The following DSC3 variants were observed in gnomAD, a reference collection of about 807,000 sequenced individuals.
DSC3 encodes the protein desmocollin 3, also known as desmocollin-3.
Under a neutral mutation model 89.5 loss-of-function variants are expected in DSC3, and 97 were observed. That is an observed-to-expected ratio of 1.08 (90% CI 0.92 to 1.28). DSC3 has a LOEUF of 1.28. Among genes scored for constraint, DSC3 ranks in the 50% most tolerant of loss-of-function variants. The pLI, the probability that DSC3 is intolerant of heterozygous loss-of-function variation, is 0.00. For synonymous variants in DSC3, 436 were observed against 384.1 expected (o/e 1.14, Z -1.58); for missense variants, 1,199 against 1,085.3 (o/e 1.10, Z -1.47).
chr18:31,035,074 A>G (rs939022845), intron 1 of DSC3, among the ~76,000 whole-genome samples: 1 of 152,180 alleles, frequency 6.6e-6, no homozygotes, highest in Non-Finnish European at 1.5e-5. Flanking sequence ...TCACAGAAGT[A>G]ATTTCAGCAC....
At chr18:30,997,994 A>G (rs1984533439) in intron 14 of DSC3, among the ~76,000 whole-genome samples, 1 of 152,222 alleles carries the variant, frequency 6.6e-6, no homozygotes, top group Admixed American at 6.5e-5. Flanking sequence ...AGGCCATAAG[A>G]TATAAAGATC....
chr18:31,039,530 A>G (rs950865225), intron 1 of DSC3, among the ~76,000 whole-genome samples: 1 of 152,178 alleles, frequency 6.6e-6, no homozygotes, highest in Non-Finnish European at 1.5e-5. Flanking sequence ...TACCTTTCAA[A>G]TTCTTACCAC....
At chr18:31,029,650 T>C in intron 3 of DSC3, 22 bp from the exon 4 acceptor site, 2 of 1,613,256 alleles carry the variant, frequency 1.2e-6, no homozygotes, top group Non-Finnish European at 1.7e-6. Context: ...GAAAAACAAA[T>C]ACATGAATAA....
chr18:31,014,155 A>C (rs1197943098), intron 9 of DSC3, among the ~76,000 whole-genome samples: 2 of 152,064 alleles, frequency 1.3e-5, no homozygotes, highest in Non-Finnish European at 2.9e-5. Flanking sequence ...TAAGGAATAC[A>C]GAATATCCAT....
At chr18:31,018,975 G>A (rs1368357847) in intron 7 of DSC3, among the ~76,000 whole-genome samples, 175 bp from the exon 8 acceptor site, 1 of 152,218 alleles carries the variant, frequency 6.6e-6, no homozygotes, top group African/African-American at 2.4e-5. Flanking sequence ...GGATAAAGCT[G>A]AAGAGGCAGG....
intron 1 of DSC3, among the ~76,000 whole-genome samples, chr18:31,039,967 A>T (rs1986082398): frequency 6.6e-6 from 1 of 152,184 alleles, no homozygotes; most frequent in African/African-American, 2.4e-5. Context: ...GCCTTTAGAA[A>T]TTACTATACT....
At chr18:31,035,703 T>C (rs763656860) in intron 1 of DSC3, among the ~76,000 whole-genome samples, 6 of 152,094 alleles carry the variant, frequency 3.9e-5, no homozygotes, top group Non-Finnish European at 8.8e-5. Context: ...TCAGTGCCCA[T>C]CTAGATCTTT....
chr18:31,000,998 CATATATATATACTTTGTGTGT>C (rs1173030105), intron 14 of DSC3, among the ~76,000 whole-genome samples: 19 of 144,890 alleles, frequency 1.3e-4, no homozygotes, highest in African/African-American at 4.3e-4. Flanking sequence ...ATTTTGTGTA[CATATATATATACTTTGTGTGT>C]ATATATATAT....
At chr18:31,004,712 C>A (rs1984780425) in intron 12 of DSC3, among the ~76,000 whole-genome samples, 1 of 137,208 alleles carries the variant, frequency 7.3e-6, no homozygotes, top group Non-Finnish European at 1.5e-5. Context: ...CAGGTACACA[C>A]AAATAGTTTC....
intron 6 of DSC3, 140 bp from the exon 7 acceptor site, chr18:31,022,642 CT>C (rs1287053349): frequency 1.9e-6 from 2 of 1,064,396 alleles, no homozygotes; most frequent in African/African-American, 1.6e-5. Context: ...ATTATTTCAT[CT>C]TTAGATAGGA....
chr18:31,032,175 CTT>C lies in DSC3; in HGVS notation c.154+15_154+16del. On this transcript the variant is annotated intron_variant, in intron 2 of 15. Transcript: ENST00000360428. ...AAACTAAATTTCTGCTTTAAAAAGA[CTT>C]TTAAAATTTCTCACCTCTGCCAATT... 2 of 1,571,832 alleles carry C rather than the reference CTT, an allele frequency of 1.3e-6. No individual in the cohort carries two copies. Among genetic ancestry groups the C allele is most frequent in the African/African-American group, 1.3e-5 (1 of 74,214 alleles).
intron 4 of DSC3, among the ~76,000 whole-genome samples, chr18:31,027,294 T>C (rs1985629607): frequency 6.6e-6 from 1 of 152,142 alleles, no homozygotes; most frequent in African/African-American, 2.4e-5. Flanking sequence ...CAGACGTGCT[T>C]GAACAAGATT....
intron 6 of DSC3, among the ~76,000 whole-genome samples, chr18:31,023,034 A>G (rs1396255579): frequency 4.6e-5 from 7 of 152,150 alleles, no homozygotes; most frequent in African/African-American, 1.7e-4. Context: ...TCACAGCCTT[A>G]ACTGGTCTGA....
At chr18:31,015,596 G>A (rs899303221) in intron 9 of DSC3, among the ~76,000 whole-genome samples, 1 of 152,082 alleles carries the variant, frequency 6.6e-6, no homozygotes, top group Non-Finnish European at 1.5e-5. Context: ...CTCTAAGCAA[G>A]ACAAAACCTC....
intron 7 of DSC3, among the ~76,000 whole-genome samples, chr18:31,019,265 T>C (rs1985339424): frequency 6.6e-6 from 1 of 152,128 alleles, no homozygotes; most frequent in African/African-American, 2.4e-5. Flanking sequence ...TAATTTTTTG[T>C]ATTTTTGTAG....
At chr18:31,025,001 T>C (rs954315062) in intron 5 of DSC3, among the ~76,000 whole-genome samples, 9 of 152,154 alleles carry the variant, frequency 5.9e-5, no homozygotes, top group African/African-American at 1.9e-4. Context: ...TAATGTCAAA[T>C]AGAATATATT....
chr18:31,016,608 A>G (rs1985244838), intron 9 of DSC3, among the ~76,000 whole-genome samples: 1 of 152,034 alleles, frequency 6.6e-6, no homozygotes, highest in African/African-American at 2.4e-5. Flanking sequence ...ACATCTCAAG[A>G]CTCAAAGATT....
At chr18:31,023,223 A>C (rs77296991) in intron 6 of DSC3, among the ~76,000 whole-genome samples, 1,548 of 152,276 alleles carry the variant, frequency 0.01, 15 homozygotes, top group Non-Finnish European at 0.015. Context: ...AGGCAATATA[A>C]TGTCAATGTA....
At position 31,008,315 on chromosome 18, in the gene DSC3, C is replaced by T. The variant is rs79819127; in HGVS notation, c.1474G>A (p.Gly492Ser). The change falls in exon 10 of 16, where the codon GGC becomes AGC. Residue 492 changes from glycine (G) to serine (S), a missense_variant. Coordinates refer to ENST00000360428, the MANE Select transcript of DSC3 (RefSeq NM_001941.5). Reference sequence around the variant, plus strand: ...TTTTCGGGGTCATATGCCTTATAGCCGTTGATCTTTGACCCCACTGCTAAG... The same window carrying T: ...TTTTCGGGGTCATATGCCTTATAGCTGTTGATCTTTGACCCCACTGCTAAG... ...ENLAVGSKIN[G>S]YKAYDPENRN... 297 of 1,614,040 alleles carry T rather than the reference C, an allele frequency of 1.8e-4. No individual in the cohort carries two copies. In the African/African-American group the frequency reaches 3.1e-3, roughly 17 times the overall value.
Sources: allele counts gnomAD v4.1 joint callset (sites outside exome capture counted in the v4.1 genomes callset), GRCh38; gene constraint gnomAD v4.1.1; transcripts MANE v1.5; gene names NCBI Gene and HGNC (gene_info 2026-07-23, HGNC 2026-07-21).